Variants in VAMP7 observed in about 807,000 individuals in gnomAD.
The protein encoded by VAMP7 is vesicle associated membrane protein 7, also known as vesicle-associated membrane protein 7.
Under a neutral mutation model 29.6 loss-of-function variants are expected in VAMP7, and 14 were observed. The ratio of observed to expected loss-of-function variants is 0.47; its 90% CI spans 0.31 to 0.74. The LOEUF is 0.74. Ranked by LOEUF, VAMP7 falls within the 30% of genes least tolerant of loss-of-function variation. The pLI, the probability that VAMP7 is intolerant of heterozygous loss-of-function variation, is 0.05. For synonymous variants in VAMP7, 95 were observed against 88.1 expected (o/e 1.08, Z -0.44); for missense variants, 223 against 262.4 (o/e 0.85, Z 1.04).
chrX:155,896,942 A>G (rs2065995863), intron 3 of VAMP7, among the ~76,000 whole-genome samples: 2 of 151,758 alleles, frequency 1.3e-5, no homozygotes, highest in Non-Finnish European at 2.9e-5. Context: ...AACAAAGCCA[A>G]TTATATTGAA....
chrX:155,939,462 A>G (rs147231984), intron 6 of VAMP7, among the ~76,000 whole-genome samples: 3,780 of 152,242 alleles, frequency 0.025, 81 homozygotes, highest in African/African-American at 0.067. Flanking sequence ...CATCATGTGC[A>G]TTGCTGCAGT....
chrX:155,920,871 A>T (rs1302108938), intron 6 of VAMP7, among the ~76,000 whole-genome samples: 2 of 152,188 alleles, frequency 1.3e-5, no homozygotes, highest in Non-Finnish European at 2.9e-5. Flanking sequence ...AGGTTTTAGT[A>T]TATACAGTCT....
chrX:155,889,099 A>G (rs1434736127), intron 1 of VAMP7, among the ~76,000 whole-genome samples: 1 of 152,192 alleles, frequency 6.6e-6, no homozygotes, highest in Non-Finnish European at 1.5e-5. Flanking sequence ...GAATTTCTAC[A>G]TTAAAGAATG....
intron 1 of VAMP7, among the ~76,000 whole-genome samples, chrX:155,884,642 ATTTC>A (rs1254028391): frequency 6.6e-6 from 1 of 152,236 alleles, no homozygotes; most frequent in East Asian, 1.9e-4. Flanking sequence ...ATTGACACCT[ATTTC>A]TTTATAGACA....
chrX:155,884,167 A>G (rs745873675), intron 1 of VAMP7, among the ~76,000 whole-genome samples: 36 of 151,120 alleles, frequency 2.4e-4, no homozygotes, highest in African/African-American at 8.8e-4. Context: ...TGCTCTTGTT[A>G]CCCAGGCTGG....
chrX:155,930,489 C>A (rs867599027), intron 6 of VAMP7, among the ~76,000 whole-genome samples: 116 of 145,026 alleles, frequency 8.0e-4, no homozygotes, highest in Non-Finnish European at 1.2e-3. Context: ...CAAAACCAAA[C>A]AAAAAAAAAA....
At chrX:155,885,956 T>G (rs2065860349) in intron 1 of VAMP7, among the ~76,000 whole-genome samples, 1 of 152,182 alleles carries the variant, frequency 6.6e-6, no homozygotes, top group African/African-American at 2.4e-5. Flanking sequence ...TACAAGAAAC[T>G]AATACAGGAT....
At chrX:155,933,261 T>G (rs1235580078) in intron 6 of VAMP7, among the ~76,000 whole-genome samples, 1 of 152,214 alleles carries the variant, frequency 6.6e-6, no homozygotes, top group African/African-American at 2.4e-5. Flanking sequence ...TTGATAGGAA[T>G]AGTTTCAGAA....
chrX:155,938,479 A>C (rs1268417466), intron 6 of VAMP7, among the ~76,000 whole-genome samples: 1 of 152,144 alleles, frequency 6.6e-6, no homozygotes, highest in African/African-American at 2.4e-5. Flanking sequence ...CATAAAGTGC[A>C]TCAACTGTAA....
At chrX:155,887,467 A>C (rs2124223975) in intron 1 of VAMP7, among the ~76,000 whole-genome samples, 1 of 152,260 alleles carries the variant, frequency 6.6e-6, no homozygotes, top group South Asian at 2.1e-4. Flanking sequence ...TAAGAGGTCA[A>C]GTAAGGTAAG....
intron 2 of VAMP7, among the ~76,000 whole-genome samples, chrX:155,895,021 T>TC (rs1293869365): frequency 6.6e-6 from 1 of 152,168 alleles, no homozygotes; most frequent in Non-Finnish European, 1.5e-5. Flanking sequence ...TTGGCAAATC[T>TC]CCATTTCGTG....
intron 6 of VAMP7, among the ~76,000 whole-genome samples, chrX:155,939,331 A>G (rs1818951142): frequency 6.6e-6 from 1 of 152,196 alleles, no homozygotes; most frequent in South Asian, 2.1e-4. Context: ...CCCCGGAATT[A>G]TACGGGGCAG....
intron 5 of VAMP7, among the ~76,000 whole-genome samples, chrX:155,901,075 C>T (rs1016101628): frequency 1.9e-4 from 29 of 151,992 alleles, no homozygotes; most frequent in Non-Finnish European, 7.4e-5. Flanking sequence ...TGCTTAGAGA[C>T]TTAGTCAACC....
chrX:155,939,746 T>C lies in VAMP7; in HGVS notation c.547T>C (p.Cys183Arg). ...CAGCAGAAATCTTGCTCGAGCCATG[T>C]GTATGAAGAACCTCAAGCTCACTAT... Reference protein sequence around the residue: ...TTSRNLARAMCMKNLKLTIII... With the variant: ...TTSRNLARAMRMKNLKLTIII... The change falls in exon 7 of 8, where the codon TGT becomes CGT. Residue 183 changes from cysteine (C) to arginine (R), a missense_variant. Transcript: ENST00000286448. 1 of 1,613,962 alleles carries C rather than the reference T, an allele frequency of 6.2e-7. No individual in the cohort carries two copies.
At chrX:155,922,210 C>G (rs1390395072) in intron 6 of VAMP7, among the ~76,000 whole-genome samples, 1 of 151,904 alleles carries the variant, frequency 6.6e-6, no homozygotes, top group African/African-American at 2.4e-5. Flanking sequence ...TTTGTACATT[C>G]CTGCCTTTTA....
At chrX:155,894,124 A>G (rs1284549788) in intron 2 of VAMP7, among the ~76,000 whole-genome samples, 1 of 152,088 alleles carries the variant, frequency 6.6e-6, no homozygotes, top group Admixed American at 6.5e-5. Flanking sequence ...AACCTGTCTC[A>G]CGCCAGTCAC....
intron 5 of VAMP7, among the ~76,000 whole-genome samples, chrX:155,909,687 C>T (rs1320868758): frequency 6.6e-6 from 1 of 152,126 alleles, no homozygotes; most frequent in Non-Finnish European, 1.5e-5. Flanking sequence ...GCTAGAAGTC[C>T]AAGATCACGG....
chrX:155,913,740 T>A (rs2066271207), intron 5 of VAMP7, among the ~76,000 whole-genome samples: 1 of 152,178 alleles, frequency 6.6e-6, no homozygotes, highest in African/African-American at 2.4e-5. Flanking sequence ...ATGTATCTGT[T>A]TTGGTACCAA....
intron 1 of VAMP7, among the ~76,000 whole-genome samples, chrX:155,884,503 A>G (rs1335620930): frequency 6.6e-6 from 1 of 152,228 alleles, no homozygotes; most frequent in Non-Finnish European, 1.5e-5. Context: ...TGTCTTTATA[A>G]CTGATTAAAA....
Sources: allele counts gnomAD v4.1 joint callset (sites outside exome capture counted in the v4.1 genomes callset), GRCh38; gene constraint gnomAD v4.1.1; transcripts MANE v1.5; gene names NCBI Gene and HGNC (gene_info 2026-07-23, HGNC 2026-07-21).